Variants in EPS8 observed in about 807,000 individuals in gnomAD.
The protein encoded by EPS8 is epidermal growth factor receptor kinase substrate 8.
Under a neutral mutation model 103.8 loss-of-function variants are expected in EPS8, and 42 were observed. The observed-to-expected ratio is 0.40, with a 90% CI of 0.32 to 0.52. EPS8 has a LOEUF of 0.52. EPS8 is among the 20% of genes least tolerant of loss of function. The pLI is 0.40. For missense variants in EPS8, 969 were observed against 1,005.1 expected, an observed-to-expected ratio of 0.96 and a Z score of 0.49; for synonymous variants, 344 against 344.6, an observed-to-expected ratio of 1.00 and a Z score of 0.02.
At chr12:15,646,450 C>A (rs993022489) in intron 15 of EPS8, among the ~76,000 whole-genome samples, 3 of 152,110 alleles carry the variant, frequency 2.0e-5, no homozygotes, top group African/African-American at 7.2e-5. Flanking sequence ...ACCTCCTTTT[C>A]TCTTTTCTAC....
In EPS8 at chr12:15,700,061, A is replaced by G. The variant is rs1025016222; in HGVS notation, c.-21-17089T>C. ...TCGTAGCTACTCTGGAGGCTGAGGC[A>G]CAAGAATTGTTTGAACACAGGAGGC... On this transcript the variant is annotated intron_variant, in intron 1 of 20. Coordinates refer to ENST00000281172, the MANE Select transcript of EPS8 (RefSeq NM_004447.6). This position sits in a 1 kb window ranked among gnomAD's most constrained non-coding sequence, Gnocchi z 5.1. 5.9e-5 allele frequency among the ~76,000 whole-genome samples: 9 copies of G among 152,170 alleles called. No homozygotes were observed. Among genetic ancestry groups the G allele is most frequent in the Non-Finnish European group, 1.3e-4 (9 of 68,032 alleles).
At chr12:15,765,292 G>C (rs193047681) in intron 1 of EPS8, among the ~76,000 whole-genome samples, 7 of 152,086 alleles carry the variant, frequency 4.6e-5, no homozygotes, top group Non-Finnish European at 8.8e-5. Context: ...ATAAACTGTA[G>C]ACTACAAGTA....
At chr12:15,703,403 T>C (rs1302111634) in intron 1 of EPS8, among the ~76,000 whole-genome samples, 2 of 152,134 alleles carry the variant, frequency 1.3e-5, no homozygotes, top group Non-Finnish European at 2.9e-5. Context: ...GTAGGTTTCA[T>C]ATAGGAAGAG....
intron 1 of EPS8, among the ~76,000 whole-genome samples, chr12:15,782,989 A>G (rs1947275185): frequency 1.3e-5 from 2 of 152,210 alleles, no homozygotes; most frequent in African/African-American, 4.8e-5. Context: ...TTGGTACAAT[A>G]CCATAAACCT....
At chr12:15,729,156 C>A (rs1429692006) in intron 1 of EPS8, among the ~76,000 whole-genome samples, 2 of 152,094 alleles carry the variant, frequency 1.3e-5, no homozygotes, top group Admixed American at 6.5e-5. Context: ...GAAGTCACCC[C>A]CCGACCTGTC....
intron 18 of EPS8, among the ~76,000 whole-genome samples, chr12:15,625,023 T>C (rs1944922501): frequency 6.6e-6 from 1 of 152,240 alleles, no homozygotes; most frequent in Admixed American, 6.5e-5. Context: ...AACTGCCCAC[T>C]GTCTTAGACA....
rs373756742 is a variant in EPS8 at position 15,710,273 on chromosome 12, G to C, written c.-21-27301C>G. Among the ~76,000 whole-genome samples the C allele has an allele frequency of 1.1e-4, 16 of 152,350 alleles. No homozygotes were observed. In the East Asian group the frequency reaches 2.9e-3, roughly 27 times the overall value. Reference sequence around the variant, plus strand: ...ATGAGTTGTCAGAGAGTTGTTACCAGAGCATTAAATCTAGTGATCAGAATA... The same window carrying C: ...ATGAGTTGTCAGAGAGTTGTTACCACAGCATTAAATCTAGTGATCAGAATA... On this transcript the variant is annotated intron_variant, in intron 1 of 20. Transcript: ENST00000281172.
intron 1 of EPS8, among the ~76,000 whole-genome samples, chr12:15,741,205 T>C (rs1022237160): frequency 1.3e-5 from 2 of 152,218 alleles, no homozygotes; most frequent in African/African-American, 2.4e-5. Context: ...ACTGTATCTT[T>C]GAATTTGCAT....
intron 14 of EPS8, among the ~76,000 whole-genome samples, chr12:15,650,271 T>C (rs753680988): frequency 3.3e-5 from 5 of 152,162 alleles, no homozygotes; most frequent in African/African-American, 1.2e-4. Flanking sequence ...GCAAGGCTGA[T>C]AGGACTCCAG....
At chr12:15,649,381 A>G (rs1475274377) in intron 14 of EPS8, among the ~76,000 whole-genome samples, 1 of 152,208 alleles carries the variant, frequency 6.6e-6, no homozygotes, top group Non-Finnish European at 1.5e-5. Flanking sequence ...TGATGTAAAA[A>G]TAGTCAGCTG....
rs1946506009 is a variant in EPS8 at position 15,714,454 on chromosome 12, C to G, written c.-21-31482G>C. On this transcript the variant is annotated intron_variant, in intron 1 of 20. Coordinates refer to ENST00000281172, the MANE Select transcript of EPS8 (RefSeq NM_004447.6). The surrounding 1 kb of genome is among the most constrained non-coding windows in gnomAD (Gnocchi z 4.1). ...TCCAGGAAGTCAAGAGCAGCCTGGGCAACATACCAAGACCCCATCTCCACA... is the reference window on the plus strand; with the variant it reads ...TCCAGGAAGTCAAGAGCAGCCTGGGGAACATACCAAGACCCCATCTCCACA... Among the ~76,000 whole-genome samples, 1 of 152,100 alleles carries G rather than the reference C, an allele frequency of 6.6e-6. No homozygotes were observed.
At chr12:15,650,671 A>C in intron 14 of EPS8, 152 bp downstream of exon 14, 25 of 685,290 alleles carry the variant, frequency 3.6e-5, no homozygotes, top group Non-Finnish European at 4.1e-5. Flanking sequence ...GACAGAGGCA[A>C]GAGAGAGAGG....
chr12:15,672,329 A>G (rs1591841284), intron 3 of EPS8: 1 of 393,602 alleles, frequency 2.5e-6, no homozygotes, highest in Non-Finnish European at 4.5e-6. Flanking sequence ...TTTAAAATTT[A>G]GATTAAAATC....
Position 15,760,781 on chromosome 12 carries a change from G to A in EPS8, c.-22+28380C>T, listed in dbSNP as rs946572303. Among the ~76,000 whole-genome samples, 9 of 151,896 alleles carry A rather than the reference G, an allele frequency of 5.9e-5. No homozygotes were observed. The highest frequency in any genetic ancestry group is 2.2e-4 in the African/African-American group (9 of 41,384). On this transcript the variant is annotated intron_variant, in intron 1 of 20. Coordinates refer to ENST00000281172, the MANE Select transcript of EPS8 (RefSeq NM_004447.6). The surrounding 1 kb of genome is among the most constrained non-coding windows in gnomAD (Gnocchi z 4.5). ...ATGATAAAAACCCTCAAAAAGCTGG[G>A]AACAGAAAGAATATACCTTAACATA...
At chr12:15,663,589 G>C (rs1231565664) in intron 8 of EPS8, among the ~76,000 whole-genome samples, 1 of 152,014 alleles carries the variant, frequency 6.6e-6, no homozygotes, top group Admixed American at 6.6e-5. Flanking sequence ...TTTAATGAAA[G>C]CTCAGAAACC....
rs1040844371 is a variant in EPS8 at position 15,752,243 on chromosome 12, C to A, written c.-22+36918G>T. Among the ~76,000 whole-genome samples the A allele has an allele frequency of 6.6e-6, 1 of 152,008 alleles. No individual in the cohort carries two copies. Among genetic ancestry groups the A allele is most frequent in the Non-Finnish European group, 1.5e-5 (1 of 67,980 alleles). On this transcript the variant is annotated intron_variant, in intron 1 of 20. Coordinates refer to ENST00000281172, the MANE Select transcript of EPS8 (RefSeq NM_004447.6). This position sits in a 1 kb window ranked among gnomAD's most constrained non-coding sequence, Gnocchi z 4.4. ...CAGGCGGATCACGAGGTCAGGAGAT[C>A]GAGACCATCCTGGCTAACATGGTGA...
intron 18 of EPS8, among the ~76,000 whole-genome samples, chr12:15,628,756 G>T (rs1014898160): frequency 6.6e-6 from 1 of 152,144 alleles, no homozygotes; most frequent in Admixed American, 6.5e-5. Context: ...ATTTCTATGA[G>T]TATTTACTTC....
chr12:15,658,283 AGAGT>A lies in EPS8; in HGVS notation c.1027-134_1027-131del, dbSNP rs1299381043. 7 of 685,216 alleles carry A rather than the reference AGAGT, an allele frequency of 1.0e-5. No homozygotes were observed. The African/African-American group carries it at 1.1e-4, about 11-fold the overall frequency. The allele number at this position is 685,216 out of a possible 1,614,324, so 42.4% of individuals were successfully genotyped here. A position where few individuals can be genotyped will look rare whatever the true frequency, so the allele number is the denominator to read the frequency against. On this transcript the variant is annotated intron_variant, in intron 11 of 20. Transcript: ENST00000281172. ...TTTTAATATATTCTTTAGCATGGAT[AGAGT>A]GAGAATAGAAGTCATTGTTTTTCAA...
At chr12:15,699,038 C>T (rs913934150) in intron 1 of EPS8, among the ~76,000 whole-genome samples, 4 of 152,172 alleles carry the variant, frequency 2.6e-5, no homozygotes, top group Non-Finnish European at 5.9e-5. Flanking sequence ...CCACAACCTA[C>T]AAATGATCCC....
Sources: allele counts gnomAD v4.1 joint callset (sites outside exome capture counted in the v4.1 genomes callset), GRCh38; gene constraint gnomAD v4.1.1; non-coding constraint Gnocchi (gnomAD v3.1); transcripts MANE v1.5; gene names NCBI Gene and HGNC (gene_info 2026-07-23, HGNC 2026-07-21).